The following MSANTD5 variants were observed in gnomAD, a reference collection of about 807,000 sequenced individuals.
MSANTD5 encodes uncharacterized protein MSANTD5.
At chr5:178,705,337 C>T in the MSANTD5 span, among the ~76,000 whole-genome samples, 142 of 152,202 alleles carry the variant, frequency 9.3e-4, no homozygotes, top group African/African-American at 3.1e-3. Flanking sequence ...TGAGCCACCA[C>T]GCCCGGCCTA....
chr5:178,698,726 G>A (rs1190996783), upstream of MSANTD5, among the ~76,000 whole-genome samples: 1 of 149,756 alleles, frequency 6.7e-6, no homozygotes, highest in East Asian at 2.0e-4. Flanking sequence ...ATTACTGCAG[G>A]TGCTTGTGCC....
downstream of MSANTD5, among the ~76,000 whole-genome samples, chr5:178,692,094 A>T (rs1248043377): frequency 7.6e-6 from 1 of 131,984 alleles, no homozygotes; most frequent in Non-Finnish European, 1.7e-5. Flanking sequence ...AAAAAAAAAA[A>T]TTAGGCCAGG....
upstream of MSANTD5, among the ~76,000 whole-genome samples, chr5:178,700,300 A>G (rs1765463096): frequency 6.6e-6 from 1 of 152,194 alleles, no homozygotes; most frequent in Admixed American, 6.5e-5. Context: ...GATCTTGTCT[A>G]CAGGTGAATC....
exon 3 of MSANTD5, chr5:178,695,448 T>C (rs1174106516): frequency 1.3e-5 from 2 of 152,198 alleles, no homozygotes; most frequent in African/African-American, 4.8e-5. Flanking sequence ...CTTCCAGCTC[T>C]TGTTGATACC....
upstream of MSANTD5, among the ~76,000 whole-genome samples, chr5:178,701,034 C>T (rs532614195): frequency 1.3e-5 from 2 of 152,252 alleles, no homozygotes; most frequent in African/African-American, 4.8e-5. Flanking sequence ...AGTGCAGTGG[C>T]GCGATCTCGG....
At chr5:178,699,943 CA>C (rs1765459189), upstream of MSANTD5, among the ~76,000 whole-genome samples, 2 of 64,142 alleles carry the variant, frequency 3.1e-5, no homozygotes. Flanking sequence ...GGCTTTCCAG[CA>C]CAGACATTCT....
chr5:178,691,848 C>T (rs79151187), downstream of MSANTD5, among the ~76,000 whole-genome samples: 2,743 of 135,834 alleles, frequency 0.02, 628 homozygotes, highest in Non-Finnish European at 0.036. Context: ...GATATCACCG[C>T]TTTGTCATGC....
At chr5:178,697,419 A>G (rs987772634) in intron 1 of MSANTD5, among the ~76,000 whole-genome samples, 167 bp downstream of exon 1, 1 of 152,178 alleles carries the variant, frequency 6.6e-6, no homozygotes, top group Non-Finnish European at 1.5e-5. Context: ...GCGCCCCTGC[A>G]CTCCAGCCTG....
At chr5:178,693,859 G>T (rs1765382194), downstream of MSANTD5, among the ~76,000 whole-genome samples, 1 of 151,970 alleles carries the variant, frequency 6.6e-6, no homozygotes, top group Admixed American at 6.6e-5. Flanking sequence ...ACCCGACCCA[G>T]AAGCCCAGCT....
upstream of MSANTD5, among the ~76,000 whole-genome samples, chr5:178,702,308 T>C (rs1010274218): frequency 4.8e-5 from 7 of 147,306 alleles, no homozygotes; most frequent in Admixed American, 2.7e-4. Context: ...TTTCTTTTTT[T>C]TTTTTTTTTT....
At chr5:178,699,031 G>A (rs1765449716), upstream of MSANTD5, among the ~76,000 whole-genome samples, 1 of 152,090 alleles carries the variant, frequency 6.6e-6, no homozygotes, top group Non-Finnish European at 1.5e-5. Context: ...CATATGGTCA[G>A]GAAACTCTTC....
At chr5:178,696,532 G>T (rs765491399) in intron 1 of MSANTD5, among the ~76,000 whole-genome samples, 26 of 152,080 alleles carry the variant, frequency 1.7e-4, no homozygotes, top group Admixed American at 5.2e-4. Context: ...AGCCCCCCTT[G>T]TATTTAAAAA....
At chr5:178,695,837 T>C (rs1765407172) in intron 2 of MSANTD5, among the ~76,000 whole-genome samples, 1 of 152,172 alleles carries the variant, frequency 6.6e-6, no homozygotes, top group Non-Finnish European at 1.5e-5. Flanking sequence ...CCTTAAAATG[T>C]TTCAGAGGCT....
chr5:178,692,798 C>T (rs145181709), downstream of MSANTD5, among the ~76,000 whole-genome samples: 93 of 151,920 alleles, frequency 6.1e-4, 1 homozygote, highest in African/African-American at 2.2e-3. Context: ...GCGGGAGGGA[C>T]GTGCATGTCC....
At chr5:178,700,363 G>T (rs977188500), upstream of MSANTD5, among the ~76,000 whole-genome samples, 1 of 152,160 alleles carries the variant, frequency 6.6e-6, no homozygotes, top group Non-Finnish European at 1.5e-5. Flanking sequence ...CAGCTGGAAG[G>T]CTTTCTCAAA....
At chr5:178,703,515 T>C in the MSANTD5 span, among the ~76,000 whole-genome samples, 5 of 152,314 alleles carry the variant, frequency 3.3e-5, no homozygotes, top group South Asian at 1.0e-3. Flanking sequence ...GCTGCTTCTA[T>C]TTTCAACATT....
chr5:178,694,334 AAAAAG>A (rs1214906823), downstream of MSANTD5, among the ~76,000 whole-genome samples: 61 of 151,710 alleles, frequency 4.0e-4, no homozygotes, highest in African/African-American at 1.5e-3. Context: ...AAAAAAAAAA[AAAAAG>A]ATTCTATGAT....
downstream of MSANTD5, among the ~76,000 whole-genome samples, chr5:178,693,050 C>T (rs976791542): frequency 3.3e-5 from 5 of 152,088 alleles, no homozygotes; most frequent in Admixed American, 1.3e-4. Context: ...TAGCTCACGT[C>T]GGTAATCCCA....
At chr5:178,704,244 C>T in the MSANTD5 span, among the ~76,000 whole-genome samples, 33,559 of 152,080 alleles carry the variant, frequency 0.22, 4,260 homozygotes, top group South Asian at 0.36. Flanking sequence ...TGAATGCTTG[C>T]GTACCCCCAA....
Sources: gnomAD v4.1 joint callset for allele counts (sites outside exome capture counted in the v4.1 genomes callset) on GRCh38, gnomAD v4.1.1 for gene constraint, MANE v1.5 for transcripts, NCBI Gene and HGNC (gene_info 2026-07-23, HGNC 2026-07-21) for gene names.